SRCIN1: variants seen among roughly 807,000 people sequenced by gnomAD.
SRCIN1 encodes SRC kinase signaling inhibitor 1.
A neutral mutation model predicts 116.2 loss-of-function variants in SRCIN1; 50 were observed. The observed-to-expected ratio is 0.43, with a 90% confidence interval of 0.34 to 0.54. The LOEUF is 0.54. Among genes scored for constraint, SRCIN1 ranks in the 20% least tolerant of loss-of-function variants. The pLI is 0.02. For missense variants in SRCIN1, 1,446 were observed against 1,672.0 expected (o/e 0.86, Z 2.36); for synonymous variants, 736 against 750.0 (o/e 0.98, Z 0.30).
intron 1 of SRCIN1, among the ~76,000 whole-genome samples, chr17:38,597,135 G>A (rs932627121): frequency 6.6e-6 from 1 of 152,156 alleles, no homozygotes; most frequent in Non-Finnish European, 1.5e-5. Context: ...TTTTCCCACC[G>A]ATTACCTAAA....
Position 38,551,928 on chromosome 17 carries a change from G to A in SRCIN1, c.2685C>T (p.Asp895=), listed in dbSNP as rs1905444512. 1 of 1,614,048 alleles carries A rather than the reference G, an allele frequency of 6.2e-7. No individual in the cohort carries two copies. The highest frequency in any genetic ancestry group is 8.5e-7 in the Non-Finnish European group (1 of 1,179,910). Residue 895 remains aspartate (D), a synonymous_variant, in exon 14 of 19, where the codon GAC becomes GAT. Coordinates refer to ENST00000617146, the MANE Select transcript of SRCIN1 (RefSeq NM_025248.3). ...TGTCCACGCTTCTCTTGCCAGGAGT[G>A]TCCAGGCCTTTGGTGGGGTTGCCCC... ...PKGGNPTKGL[D]TPGKRSVDKA... is the part of the protein sequence containing the mutation.
intron 1 of SRCIN1, among the ~76,000 whole-genome samples, chr17:38,605,402 G>A (rs959295795): frequency 2.3e-4 from 33 of 145,630 alleles, no homozygotes; most frequent in Non-Finnish European, 4.1e-4. Context: ...CCCACCCCGG[G>A]GCGTAGTGAG....
In SRCIN1 at chr17:38,563,514, C is replaced by G. The variant is rs755597559; in HGVS notation, c.549G>C (p.Leu183=). The change falls in exon 5 of 19, where the codon CTG becomes CTC. Residue 183 remains leucine (L), a synonymous_variant. Coordinates refer to ENST00000617146, the MANE Select transcript of SRCIN1 (RefSeq NM_025248.3). The surrounding 1 kb of genome is among the most constrained non-coding windows in gnomAD (Gnocchi z 5.8). ...SQTKLRSPGV[L]FLQFGEETRR... is the part of the protein sequence containing the mutation. ...GAGTCTCCTCCCCGAACTGCAGGAA[C>G]AGCACCCCTGCGAAGGAGACGCCGC... 2.6e-6 allele frequency: 4 copies of G among 1,549,960 alleles called. No homozygotes were observed. The highest frequency in any genetic ancestry group is 3.5e-6 in the Non-Finnish European group (4 of 1,147,322).
intron 1 of SRCIN1, among the ~76,000 whole-genome samples, chr17:38,590,133 C>T (rs908974906): frequency 2.0e-5 from 3 of 152,192 alleles, no homozygotes; most frequent in Non-Finnish European, 4.4e-5. Flanking sequence ...CACAAAGACT[C>T]CCACCCTCCC....
In SRCIN1 at chr17:38,604,026, G is replaced by A. The variant is rs1909215004; in HGVS notation, c.22+1658C>T. On this transcript the variant is annotated intron_variant, in intron 1 of 18. Transcript: ENST00000617146. This position sits in a 1 kb window ranked among gnomAD's most constrained non-coding sequence, Gnocchi z 4.3. ...CACCATCACAGCTGCCACCAGTGGCGACAGCCTCACAATCTCCATCAAATG... is the reference window on the plus strand; with the variant it reads ...CACCATCACAGCTGCCACCAGTGGCAACAGCCTCACAATCTCCATCAAATG... Among the ~76,000 whole-genome samples the A allele has an allele frequency of 6.6e-6, 1 of 152,048 alleles. No individual in the cohort carries two copies. The highest frequency in any genetic ancestry group is 1.5e-5 in the Non-Finnish European group (1 of 68,016).
chr17:38,537,764 C>A (rs1457879059), intron 18 of SRCIN1, among the ~76,000 whole-genome samples: 1 of 146,060 alleles, frequency 6.8e-6, no homozygotes, highest in Non-Finnish European at 1.5e-5. Flanking sequence ...GCACTCCAGC[C>A]TGGGCAACAG....
chr17:38,560,347 C>T lies in SRCIN1; in HGVS notation c.1779G>A (p.Glu593=). The change falls in exon 8 of 19, where the codon GAG becomes GAA. Residue 593 remains glutamate, a synonymous_variant. Coordinates refer to ENST00000617146, the MANE Select transcript of SRCIN1 (RefSeq NM_025248.3). ...AGGGGCCTCACCTGGGGGTCTCAGG[C>T]TCAGAGCCTCGCAGTAAGGCGCTCT... ...LVQSALLRGS[E]PETPSEKIEG... is the part of the protein sequence containing the mutation. 3.7e-6 allele frequency: 6 copies of T among 1,610,348 alleles called. No homozygotes were observed. The highest frequency in any genetic ancestry group is 5.1e-6 in the Non-Finnish European group (6 of 1,178,388).
intron 1 of SRCIN1, among the ~76,000 whole-genome samples, chr17:38,601,636 A>G (rs1597942642): frequency 9.3e-6 from 1 of 108,054 alleles, no homozygotes. Flanking sequence ...ATACACACAC[A>G]CGCACACACA....
intron 1 of SRCIN1, among the ~76,000 whole-genome samples, chr17:38,598,570 A>T (rs1221876148): frequency 3.3e-5 from 5 of 152,156 alleles, no homozygotes; most frequent in Non-Finnish European, 7.3e-5. Context: ...GGTCTCCAGC[A>T]TGCTTTGCCA....
At chr17:38,548,189 C>T (rs1256763853) in intron 17 of SRCIN1, among the ~76,000 whole-genome samples, 1 of 152,146 alleles carries the variant, frequency 6.6e-6, no homozygotes, top group East Asian at 1.9e-4. Context: ...CCTCAGAATA[C>T]TCAAGTATGG....
chr17:38,595,309 C>T (rs1231785815), intron 1 of SRCIN1, among the ~76,000 whole-genome samples: 1 of 152,148 alleles, frequency 6.6e-6, no homozygotes, highest in Non-Finnish European at 1.5e-5. Flanking sequence ...CCTCTGCTTC[C>T]CGGGTTCGAG....
chr17:38,538,925 A>C (rs1158040227), intron 18 of SRCIN1, among the ~76,000 whole-genome samples: 1 of 152,202 alleles, frequency 6.6e-6, no homozygotes, highest in Non-Finnish European at 1.5e-5. Context: ...CAGGCCCCAC[A>C]GCACCAGATG....
In SRCIN1 at chr17:38,599,845, C is replaced by G. The variant is rs775721347; in HGVS notation, c.22+5839G>C. Among the ~76,000 whole-genome samples, 172 of 152,300 alleles carry G rather than the reference C, an allele frequency of 1.1e-3. 1 individual carries two copies. Among genetic ancestry groups the G allele is most frequent in the Non-Finnish European group, 8.2e-4 (56 of 68,014 alleles). On this transcript the variant is annotated intron_variant, in intron 1 of 18. Coordinates refer to ENST00000617146, the MANE Select transcript of SRCIN1 (RefSeq NM_025248.3). Reference sequence around the variant, plus strand: ...AGCAGCCTGGGTATGGGGGAAACAGCTCTTCTAGGAATCGCCCCTCCAAGT... The same window carrying G: ...AGCAGCCTGGGTATGGGGGAAACAGGTCTTCTAGGAATCGCCCCTCCAAGT...
chr17:38,543,089 G>A (rs1328892599), intron 18 of SRCIN1: 1 of 456,698 alleles, frequency 2.2e-6, no homozygotes, highest in Non-Finnish European at 4.4e-6. Flanking sequence ...ACACCCACAG[G>A]TGAGGTATGT....
At chr17:38,543,656 G>A (rs921475151) in intron 18 of SRCIN1, among the ~76,000 whole-genome samples, 167 bp downstream of exon 18, 3 of 152,118 alleles carry the variant, frequency 2.0e-5, no homozygotes, top group African/African-American at 7.2e-5. Context: ...GAGGAGGAGG[G>A]AGAAGACGGT....
chr17:38,549,710 A>T (rs965638114), intron 15 of SRCIN1, among the ~76,000 whole-genome samples: 5 of 152,132 alleles, frequency 3.3e-5, no homozygotes, highest in Admixed American at 3.3e-4. Flanking sequence ...CTTCCGGGGT[A>T]ACCTGCAGAG....
chr17:38,561,837 C>G lies in SRCIN1; in HGVS notation c.1326G>C (p.Ala442=), dbSNP rs1478479047. The G allele has an allele frequency of 3.4e-6, 5 of 1,475,444 alleles. No homozygotes were observed. The South Asian group carries it at 6.5e-5, about 19-fold the overall frequency. 91.4% of individuals were successfully genotyped at this position (1,475,444 alleles called of 1,614,324 possible). ...GGGAGTCCTCCAGATCGGACTGCAG[C>G]GCGGCGGCCGAGTAGGTGCTGAGCG... ...VRSLSTYSAA[A]LQSDLEDSLY... is the part of the protein sequence containing the mutation. Residue 442 remains alanine (A), a synonymous_variant, in exon 7 of 19, where the codon GCG becomes GCC. Coordinates refer to ENST00000617146, the MANE Select transcript of SRCIN1 (RefSeq NM_025248.3).
chr17:38,559,641 G>C lies in SRCIN1; in HGVS notation c.1969C>G (p.Leu657Val), dbSNP rs201844245. The change falls in exon 10 of 19, where the codon CTG (leucine) becomes GTG (valine). Residue 657 changes from leucine (L) to valine (V), a missense_variant. Transcript: ENST00000617146. ...RLQMQLHLRG[L>V]QNSASDLRGQ... Reference sequence around the variant, plus strand: ...CGCAAGTCACTGGCGCTGTTCTGCAGGCCTCGCAGGTGAAGCTGCATCTGC... The same window carrying C: ...CGCAAGTCACTGGCGCTGTTCTGCACGCCTCGCAGGTGAAGCTGCATCTGC... The C allele has an allele frequency of 9.9e-4, 1,580 of 1,603,228 alleles. 1 individual carries two copies. Among genetic ancestry groups the C allele is most frequent in the Non-Finnish European group, 1.2e-3 (1,417 of 1,179,470 alleles).
chr17:38,590,530 C>T lies in SRCIN1; in HGVS notation c.23-11739G>A, dbSNP rs541526596. ...GGATTACAGGCATGAGCCACTGCAC[C>T]CAGCCATGATAACCACCCTTGAACA... On this transcript the variant is annotated intron_variant, in intron 1 of 18. Coordinates refer to ENST00000617146, the MANE Select transcript of SRCIN1 (RefSeq NM_025248.3). Among the ~76,000 whole-genome samples the T allele has an allele frequency of 2.9e-4, 44 of 152,318 alleles. 1 individual carries two copies. The highest frequency in any genetic ancestry group is 9.9e-4 in the African/African-American group (41 of 41,572).
Sources: allele counts gnomAD v4.1 joint callset (sites outside exome capture counted in the v4.1 genomes callset), GRCh38; gene constraint gnomAD v4.1.1; non-coding constraint Gnocchi (gnomAD v3.1); transcripts MANE v1.5; gene names NCBI Gene and HGNC (gene_info 2026-07-23, HGNC 2026-07-21).